The following BTG4 variants were observed in gnomAD, a reference collection of about 807,000 sequenced individuals.
The protein encoded by BTG4 is protein BTG4.
Under a neutral mutation model 19.3 loss-of-function variants are expected in BTG4, and 10 were observed. The observed-to-expected ratio is 0.52, with a 90% CI of 0.32 to 0.88. BTG4 has a LOEUF of 0.88. Among genes scored for constraint, BTG4 ranks in the 40% least tolerant of loss-of-function variants. BTG4 has a pLI of 0.04. For synonymous variants in BTG4, 91 were observed against 95.7 expected (o/e 0.95, Z 0.29); for missense variants, 238 against 281.9 (o/e 0.84, Z 1.11).
chr11:111,395,760 A>G, the BTG4 span, among the ~76,000 whole-genome samples: 1 of 152,346 alleles, frequency 6.6e-6, no homozygotes, highest in South Asian at 2.1e-4. Context: ...CCTAGCCCTC[A>G]GTCCAGGCAG....
intron 5 of BTG4, among the ~76,000 whole-genome samples, chr11:111,476,135 T>TACACACACACAC (rs55989357): frequency 6.1e-4 from 91 of 148,834 alleles, no homozygotes; most frequent in South Asian, 2.6e-3. Context: ...CCAGAATAGA[T>TACACACACACAC]ACACACACAC....
At chr11:111,393,218 G>A in the BTG4 span, among the ~76,000 whole-genome samples, 4 of 152,240 alleles carry the variant, frequency 2.6e-5, no homozygotes, top group Admixed American at 6.5e-5. Flanking sequence ...TCAAGGAACC[G>A]GATTACTAAA....
the BTG4 span, chr11:111,416,726 G>A: frequency 6.6e-6 from 1 of 152,338 alleles, no homozygotes; most frequent in East Asian, 1.9e-4. Flanking sequence ...TGAGAAAGCG[G>A]TTTGACTTCT....
downstream of BTG4, among the ~76,000 whole-genome samples, chr11:111,494,294 C>G (rs1865589519): frequency 6.6e-6 from 1 of 152,118 alleles, no homozygotes; most frequent in Non-Finnish European, 1.5e-5. Flanking sequence ...CAAACAACAG[C>G]AAGGACCTGG....
chr11:111,410,113 T>C, the BTG4 span, among the ~76,000 whole-genome samples: 1 of 152,186 alleles, frequency 6.6e-6, no homozygotes, highest in South Asian at 2.1e-4. Flanking sequence ...GGCTCTTGAA[T>C]TAGTCATTTA....
chr11:111,513,449 C>T, upstream of BTG4: 2 of 534,524 alleles, frequency 3.7e-6, no homozygotes, highest in Non-Finnish European at 7.7e-6. Flanking sequence ...AGTCTAGTTA[C>T]TAGGCAGTGT....
At chr11:111,462,687 T>G (rs935576976), downstream of BTG4, 1 of 151,718 alleles carries the variant, frequency 6.6e-6, no homozygotes, top group Admixed American at 6.6e-5. Flanking sequence ...CAGAGAGGAG[T>G]GGGAACAGGA....
At chr11:111,477,145 G>A (rs1437099747) in intron 5 of BTG4, among the ~76,000 whole-genome samples, 2 of 152,128 alleles carry the variant, frequency 1.3e-5, no homozygotes, top group Non-Finnish European at 2.9e-5. Flanking sequence ...CTTGGGCTCT[G>A]TGTCTTATTT....
the BTG4 span, among the ~76,000 whole-genome samples, chr11:111,400,041 G>C: frequency 3.9e-5 from 6 of 152,074 alleles, no homozygotes; most frequent in Non-Finnish European, 8.8e-5. Context: ...TGGAGTGAGG[G>C]GAGACAGTGT....
At chr11:111,440,711 G>C in the BTG4 span, among the ~76,000 whole-genome samples, 1 of 152,230 alleles carries the variant, frequency 6.6e-6, no homozygotes. Context: ...GCTTGAGTCA[G>C]GTCAGTGCTG....
the BTG4 span, among the ~76,000 whole-genome samples, chr11:111,393,455 G>A: frequency 5.6e-4 from 86 of 152,286 alleles, no homozygotes; most frequent in African/African-American, 1.9e-3. Flanking sequence ...ACTGAAGACC[G>A]GTGGTAGCTG....
At chr11:111,513,350 C>T, upstream of BTG4, 1 of 526,594 alleles carries the variant, frequency 1.9e-6, no homozygotes, top group Non-Finnish European at 3.9e-6. Flanking sequence ...ACCAAGCTAG[C>T]AACTCAGTTG....
the BTG4 span, among the ~76,000 whole-genome samples, chr11:111,442,228 C>T: frequency 5.3e-5 from 8 of 150,634 alleles, no homozygotes; most frequent in Non-Finnish European, 7.4e-5. Flanking sequence ...AGATCAGGTG[C>T]GGTGGCTCAC....
chr11:111,428,496 CTATGGCATTGGGCCACACAGTCA>C, the BTG4 span, among the ~76,000 whole-genome samples: 1 of 152,164 alleles, frequency 6.6e-6, no homozygotes, highest in Non-Finnish European at 1.5e-5. Context: ...TGCCTGGGGA[CTATGGCATTGGGCCACACAGTCA>C]TCTCCCCAGG....
At chr11:111,499,699 T>C (rs1419669085) in intron 1 of BTG4, among the ~76,000 whole-genome samples, 6 of 152,208 alleles carry the variant, frequency 3.9e-5, no homozygotes, top group African/African-American at 1.4e-4. Flanking sequence ...ACGACAACTT[T>C]GAGCAGTCAT....
chr11:111,489,890 G>A (rs920605261), downstream of BTG4, among the ~76,000 whole-genome samples: 1 of 152,034 alleles, frequency 6.6e-6, no homozygotes, highest in Non-Finnish European at 1.5e-5. Context: ...TTGTTAGTGG[G>A]TACAAAAATA....
At chr11:111,501,524 A>G (rs1396103162) in intron 1 of BTG4, among the ~76,000 whole-genome samples, 2 of 146,322 alleles carry the variant, frequency 1.4e-5, no homozygotes, top group Non-Finnish European at 2.9e-5. Context: ...ACAAAAATAG[A>G]TAGAAGAAAT....
At chr11:111,456,540 T>C in the BTG4 span, 2 of 456,406 alleles carry the variant, frequency 4.4e-6, no homozygotes, top group African/African-American at 2.0e-5. This position sits in a 1 kb window ranked among gnomAD's most constrained non-coding sequence, Gnocchi z 4.2. Flanking sequence ...CTGGTGCTGA[T>C]GACATCAGTG....
the BTG4 span, among the ~76,000 whole-genome samples, chr11:111,433,116 G>T: frequency 5.2e-4 from 79 of 152,298 alleles, 1 homozygote; most frequent in Non-Finnish European, 8.4e-4. Context: ...GAATTCATTA[G>T]TAAACCAGCA....
Sources: gnomAD v4.1 joint callset for allele counts (sites outside exome capture counted in the v4.1 genomes callset) on GRCh38, gnomAD v4.1.1 for gene constraint, Gnocchi (gnomAD v3.1) non-coding constraint, MANE v1.5 for transcripts, NCBI Gene and HGNC (gene_info 2026-07-23, HGNC 2026-07-21) for gene names.